The following DTX1 variants were observed in gnomAD, a reference collection of about 807,000 sequenced individuals.
The protein encoded by DTX1 is deltex E3 ubiquitin ligase 1, also known as E3 ubiquitin-protein ligase DTX1.
In DTX1, 26 loss-of-function variants were observed where a neutral mutation model predicts 57.8. The observed-to-expected ratio is 0.45, with a 90% CI of 0.33 to 0.62. The LOEUF is 0.62. Among genes scored for constraint, DTX1 ranks in the 20% least tolerant of loss-of-function variants. The pLI is 0.02. For missense variants in DTX1, 704 were observed against 895.3 expected, an observed-to-expected ratio of 0.79 and a Z score of 2.73; for synonymous variants, 398 against 394.1, an observed-to-expected ratio of 1.01 and a Z score of -0.12.
intron 3 of DTX1, 40 bp downstream of exon 3, chr12:113,078,145 C>T: frequency 7.6e-7 from 1 of 1,312,446 alleles, no homozygotes; most frequent in Non-Finnish European, 9.7e-7. Context: ...CTGCGTCGTC[C>T]GCAGGCAAGG....
chr12:113,086,646 C>CT (rs983285999), intron 3 of DTX1, among the ~76,000 whole-genome samples: 16 of 152,038 alleles, frequency 1.1e-4, no homozygotes, highest in Middle Eastern at 3.4e-3. Context: ...GTTTTCCTTC[C>CT]TTTTTTTTCC....
rs542854671 is a variant in DTX1, at chr12:113,088,245, T to C, written c.942-4917T>C. Among the ~76,000 whole-genome samples the C allele has an allele frequency of 7.2e-5, 11 of 152,364 alleles. No individual in the cohort carries two copies. In the East Asian group the frequency reaches 2.1e-3, roughly 29 times the overall value. Reference sequence around the variant, plus strand: ...TAAATGACAAATAGAGTTCATCTCATGTGCCATCTCTGCTCCAGGGCAGTG... The same window carrying C: ...TAAATGACAAATAGAGTTCATCTCACGTGCCATCTCTGCTCCAGGGCAGTG... On this transcript the variant is annotated intron_variant, in intron 3 of 9. Transcript: ENST00000548759.
Position 113,078,008 on chromosome 12 carries a change from GC to G in DTX1, c.849del (p.Gly284AlafsTer22). On this transcript the variant is annotated frameshift_variant, in exon 3 of 10. Transcript: ENST00000548759. LOFTEE classifies it high-confidence loss of function. ...PPGAPPRSPG[A>X]PGGARTPGQN... ...CGGGGCGCCCCCACGGAGCCCGGGC[GC>G]CCCCGGCGGAGCGCGCACCCCGGGG... 3 of 1,136,724 alleles carry G rather than the reference GC, an allele frequency of 2.6e-6. No homozygotes were observed. Among genetic ancestry groups the G allele is most frequent in the Non-Finnish European group, 3.2e-6 (3 of 927,462 alleles). The allele number at this position is 1,136,724 out of a possible 1,614,324, so 70.4% of individuals were successfully genotyped here.
rs759790756 is a variant in DTX1 at position 113,097,288 on chromosome 12, A to G, written c.*349A>G. The G allele has an allele frequency of 2.8e-5, 7 of 252,942 alleles. No homozygotes were observed. The highest frequency in any genetic ancestry group is 4.5e-5 in the Non-Finnish European group (6 of 132,456). 15.7% of individuals were successfully genotyped at this position (252,942 alleles called of 1,614,324 possible). On this transcript the variant is annotated 3_prime_UTR_variant, in exon 10 of 10. Transcript: ENST00000548759. ...CCAGGCTGGAAGAGAAGAGACAGAA[A>G]GACCCCATGACCCCCCCATGTGGAT...
Position 113,093,242 on chromosome 12 carries a change from C to G in DTX1, c.1003+19C>G. 2.5e-6 allele frequency: 4 copies of G among 1,581,806 alleles called. No individual in the cohort carries two copies. The highest frequency in any genetic ancestry group is 3.4e-6 in the Non-Finnish European group (4 of 1,164,090). On this transcript the variant is annotated intron_variant, in intron 4 of 9. Coordinates refer to ENST00000548759, the MANE Select transcript of DTX1 (RefSeq NM_004416.3). This position sits in a 1 kb window ranked among gnomAD's most constrained non-coding sequence, Gnocchi z 4.2. ...CTGGCAGGTGAGGTCTGGCCCAGGG[C>G]GGGAAAGAAGGGCGGGGCCCACTAG...
intron 2 of DTX1, among the ~76,000 whole-genome samples, chr12:113,066,349 TA>T (rs2044703430): frequency 6.6e-6 from 1 of 151,976 alleles, no homozygotes; most frequent in Non-Finnish European, 1.5e-5. Context: ...GCCAACATGG[TA>T]AAACCCCCTC....
At chr12:113,086,997 GC>G (rs1323964686) in intron 3 of DTX1, among the ~76,000 whole-genome samples, 2 of 149,992 alleles carry the variant, frequency 1.3e-5, no homozygotes, top group Admixed American at 6.7e-5. Context: ...GCACGTGGCT[GC>G]CCCGGGCCGT....
intron 3 of DTX1, among the ~76,000 whole-genome samples, chr12:113,086,811 C>A (rs2044861702): frequency 6.6e-6 from 1 of 151,920 alleles, no homozygotes; most frequent in Non-Finnish European, 1.5e-5. Flanking sequence ...CCCACCAGGC[C>A]CCTGGCTGCC....
rs561791531 is a variant in DTX1 at position 113,097,720 on chromosome 12, T to G, written c.*781T>G. 3.9e-5 allele frequency: 6 copies of G among 152,482 alleles called. No homozygotes were observed. Among genetic ancestry groups the G allele is most frequent in the African/African-American group, 9.6e-5 (4 of 41,578 alleles). The allele number at this position is 152,482 out of a possible 1,614,324, so 9.4% of individuals were successfully genotyped here. A position where few individuals can be genotyped will look rare whatever the true frequency, so the allele number is the denominator to read the frequency against. Reference sequence around the variant, plus strand: ...TCCTCTCCACCAAATCGCTCCCAATTTTGAGAGCCAAAGGCTGGCGCTTCT... The same window carrying G: ...TCCTCTCCACCAAATCGCTCCCAATGTTGAGAGCCAAAGGCTGGCGCTTCT... On this transcript the variant is annotated 3_prime_UTR_variant, in exon 10 of 10. Coordinates refer to ENST00000548759, the MANE Select transcript of DTX1 (RefSeq NM_004416.3).
At chr12:113,061,128 A>G (rs1434483909) in intron 2 of DTX1, among the ~76,000 whole-genome samples, 1 of 151,992 alleles carries the variant, frequency 6.6e-6, no homozygotes, top group Non-Finnish European at 1.5e-5. Context: ...TGGATCCCCC[A>G]GAAGTTCAGC....
chr12:113,072,467 T>C (rs2044743400), intron 2 of DTX1, among the ~76,000 whole-genome samples: 1 of 152,178 alleles, frequency 6.6e-6, no homozygotes, highest in Admixed American at 6.5e-5. Flanking sequence ...GAACAAGGGC[T>C]GGGGGAGGAT....
At chr12:113,072,300 G>C (rs947176936) in intron 2 of DTX1, among the ~76,000 whole-genome samples, 27 of 152,186 alleles carry the variant, frequency 1.8e-4, no homozygotes, top group Non-Finnish European at 2.6e-4. Flanking sequence ...CTACCAATGA[G>C]GATGACTAAG....
chr12:113,072,194 C>T (rs1406904406), intron 2 of DTX1, among the ~76,000 whole-genome samples: 2 of 152,214 alleles, frequency 1.3e-5, no homozygotes, highest in East Asian at 1.9e-4. Context: ...TTGCCCGTCT[C>T]GCTTGCAGAT....
intron 2 of DTX1, among the ~76,000 whole-genome samples, chr12:113,068,325 C>T (rs1413255823): frequency 2.6e-5 from 4 of 152,210 alleles, no homozygotes; most frequent in Admixed American, 6.5e-5. Context: ...CAGACACCTC[C>T]GCACCTAGTG....
At chr12:113,092,857 C>A (rs1328345442) in intron 3 of DTX1, among the ~76,000 whole-genome samples, 1 of 152,176 alleles carries the variant, frequency 6.6e-6, no homozygotes, top group African/African-American at 2.4e-5. Context: ...CAGCGGCCAA[C>A]GAAAGGAGCC....
At chr12:113,066,729 G>T (rs756727557) in intron 2 of DTX1, among the ~76,000 whole-genome samples, 1 of 152,042 alleles carries the variant, frequency 6.6e-6, no homozygotes, top group Non-Finnish European at 1.5e-5. Flanking sequence ...CACTGTCCGG[G>T]CACTAGGAAT....
At chr12:113,083,199 C>A (rs991020404) in intron 3 of DTX1, among the ~76,000 whole-genome samples, 2 of 152,218 alleles carry the variant, frequency 1.3e-5, no homozygotes, top group Non-Finnish European at 2.9e-5. Context: ...TTAATTACCT[C>A]TTTAAAGACC....
chr12:113,088,756 C>T (rs180934768), intron 3 of DTX1, among the ~76,000 whole-genome samples: 10 of 152,194 alleles, frequency 6.6e-5, no homozygotes, highest in Non-Finnish European at 1.5e-4. Context: ...TTTGGGAGGT[C>T]GAGGAGGGAG....
rs2044645889 is a variant in DTX1, at chr12:113,058,463, C to T, written c.259+12C>T. 1 of 1,585,494 alleles carries T rather than the reference C, an allele frequency of 6.3e-7. No individual in the cohort carries two copies. Among genetic ancestry groups the T allele is most frequent in the South Asian group, 1.1e-5 (1 of 88,752 alleles). On this transcript the variant is annotated intron_variant, in intron 2 of 9. Transcript: ENST00000548759. ...TCGCCAGGACACAGGTGAGCAGACA[C>T]CCACCCCATGCCACCCGCCCCGCCG... is the stretch of plus-strand genomic sequence containing the variant.
Sources: allele counts gnomAD v4.1 joint callset (sites outside exome capture counted in the v4.1 genomes callset), GRCh38; gene constraint gnomAD v4.1.1; non-coding constraint Gnocchi (gnomAD v3.1); transcripts MANE v1.5; gene names NCBI Gene and HGNC (gene_info 2026-07-23, HGNC 2026-07-21).